AHNAK: variants seen among roughly 807,000 people sequenced by gnomAD.
AHNAK encodes AHNAK nucleoprotein, also known as neuroblast differentiation-associated protein AHNAK.
Under a neutral mutation model 37.8 loss-of-function variants are expected in AHNAK, and 23 were observed. The observed-to-expected ratio is 0.61, with a 90% CI of 0.44 to 0.86. AHNAK has a LOEUF of 0.86. Ranked by LOEUF, AHNAK falls within the 40% of genes least tolerant of loss-of-function variation. The probability of loss-of-function intolerance (pLI) is 0.00; values close to 1 mark genes in which losing one functional copy is unlikely to be tolerated. For synonymous variants in AHNAK, 2,481 were observed against 2,636.3 expected, an observed-to-expected ratio of 0.94 and a Z score of 1.80; for missense variants, 7,411 against 7,319.4, an observed-to-expected ratio of 1.01 and a Z score of -0.46.
chr11:62,510,249 T>C (rs1026430389), intron 4 of AHNAK, among the ~76,000 whole-genome samples: 2 of 151,740 alleles, frequency 1.3e-5, no homozygotes, highest in African/African-American at 2.4e-5. Flanking sequence ...TTCACTATGT[T>C]GGCCAGGCTG....
At chr11:62,542,934 C>G (rs533453981) in intron 1 of AHNAK, among the ~76,000 whole-genome samples, 165 of 152,302 alleles carry the variant, frequency 1.1e-3, no homozygotes, top group African/African-American at 3.8e-3. Context: ...TGCTTGCTCT[C>G]CCCCCAGCGG....
rs957649974 is a variant in AHNAK, at chr11:62,518,840, G to A, written c.15577C>T (p.Gln5193Ter). 5 of 1,614,120 alleles carry A rather than the reference G, an allele frequency of 3.1e-6. No homozygotes were observed. The East Asian group carries it at 6.7e-5, about 22-fold the overall frequency. ...KTPSFGISAP[Q>*]VSIPDVNVNL... ...ACATTCACATCAGGGATGGAGACTT[G>A]AGGGGCAGAAATGCCGAAGGACGGT... is the stretch of plus-strand genomic sequence containing the variant. Residue 5193 changes from glutamine (Q) to a stop codon, truncating the protein, a stop_gained, in exon 5 of 5, where the codon CAA becomes TAA. Transcript: ENST00000378024. LOFTEE classifies it low-confidence loss of function (END_TRUNC).
chr11:62,450,320 G>A (rs1938510111), intron 5 of AHNAK, among the ~76,000 whole-genome samples: 1 of 151,504 alleles, frequency 6.6e-6, no homozygotes. Flanking sequence ...ACCACGCCCG[G>A]CTATTTTTTT....
In AHNAK at chr11:62,532,341, G is replaced by A. The variant is rs748033905; in HGVS notation, c.2076C>T (p.Val692=). 1.2e-6 allele frequency: 2 copies of A among 1,614,002 alleles called. No homozygotes were observed. Among genetic ancestry groups the A allele is most frequent in the Admixed American group, 3.3e-5 (2 of 59,998 alleles). The change falls in exon 5 of 5, where the codon GTC becomes GTT. Residue 692 remains valine (V), a synonymous_variant. Coordinates refer to ENST00000378024, the MANE Select transcript of AHNAK (RefSeq NM_001620.3). ...GPDVKLPDMS[V]KTPKISMPDV... ...CAGGCATGGAGATCTTTGGTGTCTT[G>A]ACACTCATATCAGGCAGCTTAACAT...
intron 5 of AHNAK, among the ~76,000 whole-genome samples, chr11:62,444,145 G>T (rs540511598): frequency 6.6e-6 from 1 of 152,154 alleles, no homozygotes; most frequent in Non-Finnish European, 1.5e-5. Flanking sequence ...ACCCGGCCTC[G>T]TAACAACCCT....
Position 62,516,410 on chromosome 11 carries a change from T to C in AHNAK, c.*334A>G, listed in dbSNP as rs1565220965. 1 of 1,253,166 alleles carries C rather than the reference T, an allele frequency of 8.0e-7. No individual in the cohort carries two copies. Among genetic ancestry groups the C allele is most frequent in the Admixed American group, 2.8e-5 (1 of 35,270 alleles). 77.6% of individuals were successfully genotyped at this position (1,253,166 alleles called of 1,614,324 possible). ...TTCCATTACCCCAAAACTAACAATGTTCAGTAAAAATGAGGATAATAAACA... is the reference window on the plus strand; with the variant it reads ...TTCCATTACCCCAAAACTAACAATGCTCAGTAAAAATGAGGATAATAAACA... On this transcript the variant is annotated 3_prime_UTR_variant, in exon 5 of 5. Coordinates refer to ENST00000378024, the MANE Select transcript of AHNAK (RefSeq NM_001620.3).
At chr11:62,485,230 C>T (rs547686538) in intron 5 of AHNAK, among the ~76,000 whole-genome samples, 2 of 152,184 alleles carry the variant, frequency 1.3e-5, no homozygotes, top group East Asian at 3.9e-4. Flanking sequence ...GAGACCCTGC[C>T]TATTTACAAA....
chr11:62,490,961 T>C (rs1319924330), intron 5 of AHNAK, among the ~76,000 whole-genome samples: 3 of 152,028 alleles, frequency 2.0e-5, no homozygotes, highest in African/African-American at 7.2e-5. Flanking sequence ...CTAATTTTTA[T>C]ATTTCTAGTA....
rs34334316 is a variant in AHNAK, at chr11:62,439,665, AT to A, written c.443-5775del. 6.7e-3 allele frequency among the ~76,000 whole-genome samples: 554 copies of A among 83,288 alleles called. 3 individuals are homozygous for A. The highest frequency in any genetic ancestry group is 0.017 in the African/African-American group (472 of 28,470). The allele number at this position is 83,288 out of a possible 152,430, so 54.6% of individuals were successfully genotyped here. A position where few individuals can be genotyped will look rare whatever the true frequency, so the allele number is the denominator to read the frequency against. On this transcript the variant is annotated intron_variant, in intron 5 of 5. Transcript: ENST00000257247. ...TTGGTTTGTTTTGGATTTTTGTGTG[AT>A]TTTTTTTTTTTTTTTTTTTGAGATG...
At position 62,526,699 on chromosome 11, in the gene AHNAK, T is replaced by G; in HGVS notation, c.7718A>C (p.Asn2573Thr). The change falls in exon 5 of 5, where the codon AAC (asparagine) becomes ACC (threonine). Residue 2573 changes from asparagine to threonine, a missense_variant. Transcript: ENST00000378024. ...KGPKLKMPEM[N>T]IKAPKISMPD... ...CATGGAGATCTTGGGGGCTTTGATG[T>G]TCATCTCTGGCATCTTTAACTTAGG... 6.2e-7 allele frequency: 1 copy of G among 1,612,950 alleles called. No homozygotes were observed. The highest frequency in any genetic ancestry group is 8.5e-7 in the Non-Finnish European group (1 of 1,179,778).
chr11:62,514,049 C>T (rs1939962089), downstream of AHNAK, among the ~76,000 whole-genome samples: 1 of 152,166 alleles, frequency 6.6e-6, no homozygotes, highest in Non-Finnish European at 1.5e-5. Flanking sequence ...ATTGAATGGA[C>T]ACTGGGGGCC....
intron 1 of AHNAK, among the ~76,000 whole-genome samples, chr11:62,544,683 G>A (rs1941249664): frequency 6.6e-6 from 1 of 152,026 alleles, no homozygotes; most frequent in African/African-American, 2.4e-5. Flanking sequence ...GGGGGTGGGT[G>A]ACCCCGCTGT....
At chr11:62,444,373 T>C (rs564103977) in intron 5 of AHNAK, among the ~76,000 whole-genome samples, 1 of 152,236 alleles carries the variant, frequency 6.6e-6, no homozygotes, top group South Asian at 2.1e-4. Flanking sequence ...CCAAGGAAGC[T>C]TGTGCCCCAT....
chr11:62,463,546 C>T (rs1938836480), intron 5 of AHNAK, among the ~76,000 whole-genome samples: 1 of 152,022 alleles, frequency 6.6e-6, no homozygotes, highest in Admixed American at 6.6e-5. Flanking sequence ...AAAATTAAGC[C>T]ATGATCAAGA....
At chr11:62,487,219 C>A (rs1939412096) in intron 5 of AHNAK, among the ~76,000 whole-genome samples, 1 of 152,208 alleles carries the variant, frequency 6.6e-6, no homozygotes, top group South Asian at 2.1e-4. Context: ...CCACTATAAA[C>A]GCTGCCCAGG....
At chr11:62,470,170 A>G (rs1470823151) in intron 5 of AHNAK, among the ~76,000 whole-genome samples, 1 of 152,036 alleles carries the variant, frequency 6.6e-6, no homozygotes, top group African/African-American at 2.4e-5. Context: ...GTGTGTGGCC[A>G]GGTGCAGTGG....
rs778788491 is a variant in AHNAK, at chr11:62,518,104, A to G, written c.16313T>C (p.Val5438Ala). 5.6e-6 allele frequency: 9 copies of G among 1,614,148 alleles called. No homozygotes were observed. In the South Asian group the frequency reaches 9.9e-5, roughly 18 times the overall value. The change falls in exon 5 of 5, where the codon GTG (valine) becomes GCG (alanine). Residue 5438 changes from valine (V) to alanine (A), a missense_variant. Transcript: ENST00000378024. Reference protein sequence around the residue: ...QVSGELKGPGVDVNLKGPRIS... With the variant: ...QVSGELKGPGADVNLKGPRIS... ...CCGAGGCCCTTTCAGGTTCACATCC[A>G]CACCTGGCCCCTTCAGTTCGCCAGA...
chr11:62,526,487 G>C lies in AHNAK; in HGVS notation c.7930C>G (p.Pro2644Ala), dbSNP rs1565235966. The C allele has an allele frequency of 1.2e-6, 2 of 1,612,594 alleles. No individual in the cohort carries two copies. Among genetic ancestry groups the C allele is most frequent in the Non-Finnish European group, 8.5e-7 (1 of 1,179,560 alleles). Residue 2644 changes from proline to alanine, a missense_variant, in exon 5 of 5, where the codon CCA becomes GCA. Transcript: ENST00000378024. ...TTGAAGCCAGGCATGCTGAACTTTG[G>C]CATTTTCACCTTGGGCATCTTCAGG... is the stretch of plus-strand genomic sequence containing the variant. ...WHLKMPKVKM[P>A]KFSMPGFKGE...
At chr11:62,445,816 C>T (rs1001379798) in intron 5 of AHNAK, among the ~76,000 whole-genome samples, 2 of 151,906 alleles carry the variant, frequency 1.3e-5, no homozygotes, top group South Asian at 2.1e-4. Flanking sequence ...TAGGAGTTCC[C>T]GACCAACCTG....
Sources: gnomAD v4.1 joint callset for allele counts (sites outside exome capture counted in the v4.1 genomes callset) on GRCh38, gnomAD v4.1.1 for gene constraint, MANE v1.5 for transcripts, NCBI Gene and HGNC (gene_info 2026-07-23, HGNC 2026-07-21) for gene names.